Variants in C18orf63 observed in about 807,000 individuals in gnomAD.
C18orf63 encodes the protein chromosome 18 open reading frame 63, also known as uncharacterized protein C18orf63.
In C18orf63, 50 loss-of-function variants were observed where a neutral mutation model predicts 75.3. The ratio of observed to expected loss-of-function variants is 0.66; its 90% CI spans 0.53 to 0.84. The LOEUF is 0.84. Among genes scored for constraint, C18orf63 ranks in the 40% least tolerant of loss-of-function variants. The pLI, the probability that C18orf63 is intolerant of heterozygous loss-of-function variation, is 0.00. For missense variants in C18orf63, 732 were observed against 800.2 expected, an observed-to-expected ratio of 0.91 and a Z score of 1.03; for synonymous variants, 232 against 267.6, an observed-to-expected ratio of 0.87 and a Z score of 1.30.
chr18:74,346,469 T>C (rs1984577222), intron 11 of C18orf63, among the ~76,000 whole-genome samples: 1 of 152,182 alleles, frequency 6.6e-6, no homozygotes, highest in Admixed American at 6.5e-5. Flanking sequence ...CCTGACAATC[T>C]AGATACAAAG....
At chr18:74,344,722 G>A (rs1050725037) in intron 11 of C18orf63, among the ~76,000 whole-genome samples, 2 of 152,048 alleles carry the variant, frequency 1.3e-5, no homozygotes, top group Non-Finnish European at 2.9e-5. Flanking sequence ...TCATGTTTGT[G>A]ACATTCATCC....
At chr18:74,318,298 A>T (rs1984061063) in intron 2 of C18orf63, among the ~76,000 whole-genome samples, 1 of 152,188 alleles carries the variant, frequency 6.6e-6, no homozygotes, top group African/African-American at 2.4e-5. Context: ...GCTCCCAGAA[A>T]CTTAGAGGTC....
Position 74,353,239 on chromosome 18 carries a change from T to C in C18orf63, c.979-7T>C. On this transcript the variant is annotated splice_polypyrimidine_tract_variant and splice_region_variant and intron_variant, in intron 11 of 13. Transcript: ENST00000579455. ...TTAAATTTTTTTTTAATCTCTATCC[T>C]TTTCAGGAACACAAAGTCAAGCCAC... 1.3e-6 allele frequency: 2 copies of C among 1,524,576 alleles called. No individual in the cohort carries two copies. The highest frequency in any genetic ancestry group is 1.7e-4 in the Middle Eastern group (1 of 5,942). The allele number at this position is 1,524,576 out of a possible 1,614,324, so 94.4% of individuals were successfully genotyped here.
chr18:74,327,380 C>A (rs896658120), intron 4 of C18orf63, among the ~76,000 whole-genome samples: 7 of 152,192 alleles, frequency 4.6e-5, no homozygotes, highest in Non-Finnish European at 8.8e-5. Flanking sequence ...TAAATGCACA[C>A]TTACACATAG....
chr18:74,317,885 A>G lies in C18orf63; in HGVS notation c.20A>G (p.Gln7Arg), dbSNP rs1233110899. The change falls in exon 2 of 14, where the codon CAG becomes CGG. Residue 7 changes from glutamine (Q) to arginine (R), a missense_variant. Gln to Arg is a conservative substitution (Grantham distance 43). Coordinates refer to ENST00000579455, the MANE Select transcript of C18orf63 (RefSeq NM_001174123.2). ...GAAAGTATGAATGATTCTAGGCAGCAGTCTCTGTTCTTCATCACACTTCCA... is the reference window on the plus strand; with the variant it reads ...GAAAGTATGAATGATTCTAGGCAGCGGTCTCTGTTCTTCATCACACTTCCA... MNDSRQ[Q>R]SLFFITLPDL... 6.5e-7 allele frequency: 1 copy of G among 1,533,792 alleles called. No individual in the cohort carries two copies. Among genetic ancestry groups the G allele is most frequent in the African/African-American group, 1.4e-5 (1 of 72,974 alleles).
rs972427179 is a variant in C18orf63, at chr18:74,343,621, G to T, written c.897G>T (p.Leu299=). ...TTCTTTCAGATTTAAAATCTAAACT[G>T]CCCCATATATGTGGATTTCCCATAA... The part of the protein sequence containing the change: ...KSFLSDLKSK[L]PHICGFPIKM... Residue 299 remains leucine, a synonymous_variant, in exon 11 of 14, where the codon CTG becomes CTT. Transcript: ENST00000579455. 2.0e-6 allele frequency: 3 copies of T among 1,534,172 alleles called. No homozygotes were observed. In the African/African-American group the frequency reaches 4.1e-5, roughly 21 times the overall value.
At chr18:74,344,978 C>A (rs1984548964) in intron 11 of C18orf63, among the ~76,000 whole-genome samples, 1 of 152,058 alleles carries the variant, frequency 6.6e-6, no homozygotes, top group Non-Finnish European at 1.5e-5. Context: ...CAAACTATTT[C>A]CCTAACCAAT....
chr18:74,331,334 A>AT (rs1224471933), intron 7 of C18orf63, among the ~76,000 whole-genome samples: 2 of 152,062 alleles, frequency 1.3e-5, no homozygotes, highest in African/African-American at 2.4e-5. Context: ...TTCTGGTAGC[A>AT]TTTTTTTGCA....
intron 2 of C18orf63, among the ~76,000 whole-genome samples, chr18:74,318,658 C>T (rs905507076): frequency 1.3e-5 from 2 of 152,004 alleles, no homozygotes; most frequent in Admixed American, 1.3e-4. Context: ...GGCATGGTGG[C>T]AGGCACCTGT....
At position 74,352,759 on chromosome 18, in the gene C18orf63, C is replaced by T. The variant is rs541068841; in HGVS notation, c.979-487C>T. Among the ~76,000 whole-genome samples, 193 of 152,248 alleles carry T rather than the reference C, an allele frequency of 1.3e-3. 1 individual carries two copies. The South Asian group carries it at 0.016, about 13-fold the overall frequency. On this transcript the variant is annotated intron_variant, in intron 11 of 13. Coordinates refer to ENST00000579455, the MANE Select transcript of C18orf63 (RefSeq NM_001174123.2). Reference sequence around the variant, plus strand: ...CCTACTTAGGAAGATGGAATATGTGCACTAAAAGATAAGAGAGCTTACCTT... The same window carrying T: ...CCTACTTAGGAAGATGGAATATGTGTACTAAAAGATAAGAGAGCTTACCTT...
intron 7 of C18orf63, among the ~76,000 whole-genome samples, chr18:74,333,838 T>G (rs1943991): frequency 0.014 from 2,065 of 152,192 alleles, 26 homozygotes; most frequent in South Asian, 0.048. Flanking sequence ...CACCAAAAAT[T>G]GGGCAATAAC....
At chr18:74,337,373 G>T (rs1401216318) in intron 7 of C18orf63, among the ~76,000 whole-genome samples, 1 of 152,046 alleles carries the variant, frequency 6.6e-6, no homozygotes, top group Admixed American at 6.6e-5. Flanking sequence ...ACTTACTGAG[G>T]TCCCTGCAGC....
At chr18:74,324,042 A>G (rs527323803) in intron 4 of C18orf63, among the ~76,000 whole-genome samples, 1 of 152,356 alleles carries the variant, frequency 6.6e-6, no homozygotes, top group East Asian at 1.9e-4. Context: ...CTGAATTAGA[A>G]TAAGCTAATT....
rs943811507 is a variant in C18orf63 at position 74,358,345 on chromosome 18, A to C, written c.*1898A>C. The C allele has an allele frequency of 2.0e-5, 3 of 152,146 alleles. No individual in the cohort carries two copies. The highest frequency in any genetic ancestry group is 7.2e-5 in the African/African-American group (3 of 41,424). The allele number at this position is 152,146 out of a possible 1,614,324, so 9.4% of individuals were successfully genotyped here. On this transcript the variant is annotated 3_prime_UTR_variant, in exon 14 of 14. Transcript: ENST00000579455. ...TTATCTTACAATATTTATCCTAATG[A>C]AAGTTATAAAAATATATGCATATAT...
intron 7 of C18orf63, among the ~76,000 whole-genome samples, chr18:74,333,996 A>G (rs1984352001): frequency 6.6e-6 from 1 of 152,164 alleles, no homozygotes; most frequent in African/African-American, 2.4e-5. Flanking sequence ...GACTGCTACA[A>G]AAATTAGTTT....
intron 4 of C18orf63, among the ~76,000 whole-genome samples, chr18:74,326,114 G>C (rs1467709486): frequency 6.6e-6 from 1 of 152,162 alleles, no homozygotes; most frequent in African/African-American, 2.4e-5. Flanking sequence ...GGCCCCTGGG[G>C]CCATGTTTGA....
At position 74,354,489 on chromosome 18, in the gene C18orf63, A is replaced by G. The variant is rs1273841974; in HGVS notation, c.2034A>G (p.Lys678=). The change falls in exon 13 of 14, where the codon AAA becomes AAG. Residue 678 remains lysine, a synonymous_variant. Transcript: ENST00000579455. Reference sequence around the variant, plus strand: ...ACTCGGATAAATCAAAACTTAAGAAATCTCTCATCATTCATAATGCTTAGA... The same window carrying G: ...ACTCGGATAAATCAAAACTTAAGAAGTCTCTCATCATTCATAATGCTTAGA... ...ILDSDKSKLK[K]SLIIHNA is the part of the protein sequence containing the mutation. 3 of 1,462,476 alleles carry G rather than the reference A, an allele frequency of 2.1e-6. No homozygotes were observed. Among genetic ancestry groups the G allele is most frequent in the Admixed American group, 2.0e-5 (1 of 49,510 alleles). 90.6% of individuals were successfully genotyped at this position (1,462,476 alleles called of 1,614,324 possible).
rs746512690 is a variant in C18orf63 at position 74,359,087 on chromosome 18, GA to G, written c.*2642del. The G allele has an allele frequency of 2.2e-4, 33 of 152,130 alleles. No homozygotes were observed. Among genetic ancestry groups the G allele is most frequent in the Non-Finnish European group, 4.4e-4 (30 of 68,022 alleles). The allele number at this position is 152,130 out of a possible 1,614,324, so 9.4% of individuals were successfully genotyped here. ...ATAGTCAGTATTTATAAATATTTAA[GA>G]ATGTCATGGTCCTTATGTTTTGATG... On this transcript the variant is annotated 3_prime_UTR_variant, in exon 14 of 14. Coordinates refer to ENST00000579455, the MANE Select transcript of C18orf63 (RefSeq NM_001174123.2).
At chr18:74,320,689 A>G in intron 3 of C18orf63, 98 bp downstream of exon 3, 1 of 705,674 alleles carries the variant, frequency 1.4e-6, no homozygotes, top group Non-Finnish European at 2.3e-6. Context: ...GATGTTTATG[A>G]GGATTAATTG....
Sources: allele counts gnomAD v4.1 joint callset (sites outside exome capture counted in the v4.1 genomes callset), GRCh38; gene constraint gnomAD v4.1.1; transcripts MANE v1.5; gene names NCBI Gene and HGNC (gene_info 2026-07-23, HGNC 2026-07-21).